Variants in SOX5 observed in about 807,000 individuals in gnomAD.
The protein encoded by SOX5 is SRY-box transcription factor 5, also known as transcription factor SOX-5.
In SOX5, 9 loss-of-function variants were observed where a neutral mutation model predicts 92.0. The observed-to-expected ratio is 0.10, with a 90% CI of 0.06 to 0.17. The LOEUF (loss-of-function observed/expected upper bound fraction) is 0.17, where lower values mean the gene tolerates loss of function less well. Ranked by LOEUF, SOX5 falls within the 10% of genes least tolerant of loss-of-function variation. The pLI is 1.00. For synonymous variants in SOX5, 344 were observed against 336.3 expected, an observed-to-expected ratio of 1.02 and a Z score of -0.25; for missense variants, 642 against 944.5, an observed-to-expected ratio of 0.68 and a Z score of 4.20.
chr12:24,157,915 G>A lies in SOX5; in HGVS notation c.-2+55428C>T, dbSNP rs886415692. On this transcript the variant is annotated intron_variant, in intron 4 of 4. Transcript: ENST00000446891. Reference sequence around the variant, plus strand: ...TCCTTTGTCTCTGTTCTACACAATAGCCATGAATGTTCCAAAATAAGGTAG... The same window carrying A: ...TCCTTTGTCTCTGTTCTACACAATAACCATGAATGTTCCAAAATAAGGTAG... Among the ~76,000 whole-genome samples the A allele has an allele frequency of 2.0e-4, 31 of 152,052 alleles. No homozygotes were observed. The Middle Eastern group carries it at 0.01, about 50-fold the overall frequency.
rs73275488 is a variant in SOX5, at chr12:24,101,372, T to A, written c.-2+111971A>T. On this transcript the variant is annotated intron_variant, in intron 4 of 4. Transcript: ENST00000446891. ...AATTCCTGTGAATGCCCCATTTGTA[T>A]TCTTCAGTTCAAAGGAAACCTTTAG... Among the ~76,000 whole-genome samples, 1,201 of 152,264 alleles carry A rather than the reference T, an allele frequency of 7.9e-3. 14 individuals are homozygous for A. The highest frequency in any genetic ancestry group is 0.028 in the African/African-American group (1,144 of 41,566).
intron 2 of SOX5, among the ~76,000 whole-genome samples, chr12:24,346,431 T>A (rs1953249989): frequency 6.6e-6 from 1 of 151,774 alleles, no homozygotes; most frequent in African/African-American, 2.4e-5. Flanking sequence ...TTCAGAGTTA[T>A]CAATACTTTA....
chr12:23,783,309 T>C (rs894856230), intron 3 of SOX5, among the ~76,000 whole-genome samples: 1 of 152,216 alleles, frequency 6.6e-6, no homozygotes, highest in Non-Finnish European at 1.5e-5. Flanking sequence ...AGGAAGTATG[T>C]CTAGTTCGTA....
At chr12:23,974,865 T>A (rs1230799148) in intron 4 of SOX5, among the ~76,000 whole-genome samples, 2 of 152,028 alleles carry the variant, frequency 1.3e-5, no homozygotes, top group Admixed American at 6.6e-5. Flanking sequence ...AAATTTGAAA[T>A]ATGTTATAAG....
chr12:23,582,044 T>C (rs1950114873), intron 9 of SOX5: 2 of 519,524 alleles, frequency 3.8e-6, no homozygotes, highest in Non-Finnish European at 4.9e-6. Flanking sequence ...TCATGAAACA[T>C]GTTGCAAAAT....
intron 9 of SOX5, among the ~76,000 whole-genome samples, chr12:23,576,559 T>G (rs768466533): frequency 6.6e-6 from 1 of 152,240 alleles, no homozygotes. Context: ...CTGGTTTCTC[T>G]TATACTATAT....
chr12:23,929,542 A>G (rs1340054975), intron 1 of SOX5, among the ~76,000 whole-genome samples: 5 of 151,940 alleles, frequency 3.3e-5, no homozygotes, highest in Admixed American at 3.3e-4. Context: ...AAAAGAGAAA[A>G]TGAACCTTTT....
chr12:23,546,520 A>G (rs977664096), intron 11 of SOX5, 96 bp from the exon 12 acceptor site: 17 of 691,484 alleles, frequency 2.5e-5, no homozygotes, highest in Non-Finnish European at 3.5e-5. Flanking sequence ...TAACTCCTGG[A>G]AAGGATGCAA....
intron 1 of SOX5, among the ~76,000 whole-genome samples, chr12:24,382,485 G>T (rs1290707025): frequency 6.6e-6 from 1 of 152,094 alleles, no homozygotes; most frequent in East Asian, 1.9e-4. Flanking sequence ...AGGAAAGGGG[G>T]TAAGGGCTGA....
rs1341214028 is a variant in SOX5 at position 23,647,529 on chromosome 12, T to C, written c.932-6632A>G. 2.0e-5 allele frequency among the ~76,000 whole-genome samples: 3 copies of C among 152,242 alleles called. No homozygotes were observed. The East Asian group carries it at 5.8e-4, about 29-fold the overall frequency. The stretch of plus-strand genomic sequence containing the variant: ...CCTCTCTAGCTATGAAAGTTCTGGA[T>C]GGCATCTTCTTCCAGTAAAAGGCTG... On this transcript the variant is annotated intron_variant, in intron 7 of 14. Transcript: ENST00000451604.
intron 6 of SOX5, among the ~76,000 whole-genome samples, chr12:23,712,352 T>G (rs1360398025): frequency 6.6e-6 from 1 of 152,188 alleles, no homozygotes; most frequent in African/African-American, 2.4e-5. Context: ...TTCTTAGTGA[T>G]GAAGGCAATT....
intron 1 of SOX5, among the ~76,000 whole-genome samples, chr12:23,902,898 T>C (rs1453166313): frequency 6.6e-6 from 1 of 152,222 alleles, no homozygotes; most frequent in Non-Finnish European, 1.5e-5. Flanking sequence ...GTTGGCAATG[T>C]ATTTCTTTTA....
intron 2 of SOX5, among the ~76,000 whole-genome samples, chr12:24,341,788 G>C (rs1952604147): frequency 6.6e-6 from 1 of 152,158 alleles, no homozygotes. Flanking sequence ...CTTCCTTCAA[G>C]ATCCACCCAT....
intron 1 of SOX5, among the ~76,000 whole-genome samples, chr12:24,428,072 T>A (rs1966873647): frequency 6.6e-6 from 1 of 151,432 alleles, no homozygotes; most frequent in Non-Finnish European, 1.5e-5. Flanking sequence ...TTAAAATTCA[T>A]CTTTCAGCTT....
At chr12:23,803,221 T>C (rs1262352471) in intron 3 of SOX5, among the ~76,000 whole-genome samples, 1 of 152,134 alleles carries the variant, frequency 6.6e-6, no homozygotes. Context: ...TCTTATTAAC[T>C]ACTTATTTAA....
intron 4 of SOX5, among the ~76,000 whole-genome samples, chr12:24,167,585 C>G (rs565967104): frequency 7.9e-5 from 12 of 152,306 alleles, no homozygotes; most frequent in African/African-American, 2.9e-4. Context: ...TCTAAGAATT[C>G]TACTTGAGAA....
intron 1 of SOX5, among the ~76,000 whole-genome samples, chr12:24,377,365 T>C (rs760530181): frequency 6.6e-6 from 1 of 152,162 alleles, no homozygotes; most frequent in African/African-American, 2.4e-5. Flanking sequence ...TCCAAAACAA[T>C]TCAATTAAAA....
intron 4 of SOX5, among the ~76,000 whole-genome samples, chr12:24,090,570 A>G (rs944512116): frequency 6.6e-6 from 1 of 152,246 alleles, no homozygotes. Flanking sequence ...TCAACAAAAA[A>G]TCCAAATACT....
chr12:24,457,223 T>A (rs1368205089), intron 1 of SOX5, among the ~76,000 whole-genome samples: 1 of 152,206 alleles, frequency 6.6e-6, no homozygotes, highest in Non-Finnish European at 1.5e-5. Flanking sequence ...CAGATGTGAC[T>A]AAGACTCCAA....
Sources: gnomAD v4.1 joint callset for allele counts (sites outside exome capture counted in the v4.1 genomes callset) on GRCh38, gnomAD v4.1.1 for gene constraint, MANE v1.5 for transcripts, NCBI Gene and HGNC (gene_info 2026-07-23, HGNC 2026-07-21) for gene names.